Variants in PLAC1 observed in about 807,000 individuals in gnomAD.
The protein encoded by PLAC1 is placenta-specific protein 1.
For missense variants in PLAC1, 136 were observed against 163.2 expected (o/e 0.83, Z 0.91); for synonymous variants, 68 against 62.1 (o/e 1.09, Z -0.44).
intron 2 of PLAC1, among the ~76,000 whole-genome samples, chrX:134,601,156 G>C (rs73566615): frequency 0.022 from 2,420 of 110,707 alleles, 63 homozygotes; most frequent in African/African-American, 0.074. Context: ...GTTAGACCAT[G>C]AGCATTTACT....
intron 1 of PLAC1, among the ~76,000 whole-genome samples, chrX:134,643,281 G>A (rs907038691): frequency 1.8e-5 from 2 of 111,444 alleles, no homozygotes; most frequent in African/African-American, 6.5e-5. Context: ...TCAAAGATGT[G>A]TACACCTCAG....
At chrX:134,687,644 CCT>C (rs2078521746) in intron 2 of PLAC1, among the ~76,000 whole-genome samples, 1 of 105,953 alleles carries the variant, frequency 9.4e-6, no homozygotes. Flanking sequence ...AGGTTATACC[CCT>C]GTCTTTCCTA....
At chrX:134,628,472 C>T (rs2078246162) in intron 1 of PLAC1, among the ~76,000 whole-genome samples, 1 of 112,005 alleles carries the variant, frequency 8.9e-6, no homozygotes, top group Admixed American at 9.5e-5. Context: ...TCCTGCCTGG[C>T]CTTGTAAGGC....
At chrX:134,611,317 A>G (rs2124397595) in intron 1 of PLAC1, among the ~76,000 whole-genome samples, 1 of 110,681 alleles carries the variant, frequency 9.0e-6, no homozygotes, top group South Asian at 3.8e-4. Flanking sequence ...TAAAAATGTA[A>G]TTTATGTATG....
chrX:134,734,674 CCT>C (rs998249598), intron 1 of PLAC1, among the ~76,000 whole-genome samples: 1 of 111,878 alleles, frequency 8.9e-6, no homozygotes, highest in Non-Finnish European at 1.9e-5. Flanking sequence ...CGTTCCCTCC[CCT>C]CTCTCTTTTT....
At chrX:134,719,529 C>T (rs1287908305) in intron 2 of PLAC1, among the ~76,000 whole-genome samples, 3 of 111,834 alleles carry the variant, frequency 2.7e-5, no homozygotes, top group Non-Finnish European at 3.8e-5. Context: ...CTTTGGGAGG[C>T]CTGTAATCCC....
intron 2 of PLAC1, among the ~76,000 whole-genome samples, chrX:134,710,001 T>C (rs1189976455): frequency 9.0e-6 from 1 of 111,709 alleles, no homozygotes; most frequent in Admixed American, 9.5e-5. Context: ...ACATTAAACA[T>C]TATAATGTCT....
intron 1 of PLAC1, among the ~76,000 whole-genome samples, chrX:134,609,849 C>T (rs2078143682): frequency 8.9e-6 from 1 of 111,959 alleles, no homozygotes; most frequent in Non-Finnish European, 1.9e-5. Context: ...ATCTAAGTAC[C>T]TCCCTGAAGC....
At chrX:134,703,221 T>C (rs2078589469) in intron 2 of PLAC1, among the ~76,000 whole-genome samples, 1 of 111,478 alleles carries the variant, frequency 9.0e-6, no homozygotes, top group Admixed American at 9.6e-5. Context: ...TTAAGATGAA[T>C]AAAAATAAAT....
intron 1 of PLAC1, among the ~76,000 whole-genome samples, chrX:134,639,133 A>G (rs2078296551): frequency 9.0e-6 from 1 of 111,543 alleles, no homozygotes; most frequent in Admixed American, 9.6e-5. Context: ...ATTTCCTAGC[A>G]TCCCCCAGGT....
intron 2 of PLAC1, among the ~76,000 whole-genome samples, chrX:134,580,066 C>T (rs970098644): frequency 1.8e-5 from 2 of 112,325 alleles, no homozygotes; most frequent in East Asian, 5.6e-4. Flanking sequence ...TCAAGGTAGG[C>T]AGGCCACTGG....
At chrX:134,603,313 ATTTTTTTTTTTTTTTTTTT>A (rs1319536202) in intron 1 of PLAC1, among the ~76,000 whole-genome samples, 1 of 7,667 alleles carries the variant, frequency 1.3e-4, no homozygotes, top group African/African-American at 5.1e-4. Flanking sequence ...ATATATATAT[ATTTTTTTTTTTTTTTTTTT>A]TTTTTTTTTT....
At chrX:134,760,265 G>A (rs1569415810) in intron 1 of PLAC1, 1 of 111,570 alleles carries the variant, frequency 9.0e-6, no homozygotes, top group Non-Finnish European at 1.9e-5. Flanking sequence ...CCATCATGGC[G>A]GGGTACTGGG....
chrX:134,649,576 T>C (rs1034625596), intron 1 of PLAC1, among the ~76,000 whole-genome samples: 4 of 111,425 alleles, frequency 3.6e-5, no homozygotes, highest in Non-Finnish European at 7.5e-5. Context: ...TATACTATAA[T>C]GTAAGTCACC....
chrX:134,617,637 T>C (rs759479667), intron 1 of PLAC1, among the ~76,000 whole-genome samples: 72 of 111,968 alleles, frequency 6.4e-4, no homozygotes, highest in Non-Finnish European at 1.2e-3. Context: ...CATTGACTGA[T>C]GTGTGTATGT....
chrX:134,638,085 A>G (rs890128167), intron 1 of PLAC1, among the ~76,000 whole-genome samples: 3 of 112,086 alleles, frequency 2.7e-5, no homozygotes, highest in African/African-American at 9.7e-5. Flanking sequence ...TTTTTAAAGT[A>G]ATGCATTTTT....
intron 1 of PLAC1, among the ~76,000 whole-genome samples, chrX:134,751,143 A>G (rs2078744272): frequency 1.0e-5 from 1 of 100,465 alleles, no homozygotes; most frequent in Admixed American, 1.1e-4. Flanking sequence ...AAAGGAAAAG[A>G]AAAATGTAAA....
chrX:134,725,225 C>T (rs770550713), intron 2 of PLAC1, among the ~76,000 whole-genome samples: 2 of 111,462 alleles, frequency 1.8e-5, no homozygotes, highest in African/African-American at 6.5e-5. Context: ...CACCCAGATT[C>T]CTTCTGGATG....
chrX:134,690,926 A>G (rs2078534171), intron 2 of PLAC1, among the ~76,000 whole-genome samples: 1 of 74,850 alleles, frequency 1.3e-5, no homozygotes. Flanking sequence ...TGGGCGACAG[A>G]GCAAGATTCC....
Sources: gnomAD v4.1 joint callset for allele counts (sites outside exome capture counted in the v4.1 genomes callset) on GRCh38, gnomAD v4.1.1 for gene constraint, MANE v1.5 for transcripts, NCBI Gene and HGNC (gene_info 2026-07-23, HGNC 2026-07-21) for gene names.